NRG3: variants seen among roughly 807,000 people sequenced by gnomAD.
NRG3 encodes the protein neuregulin 3.
In NRG3, 31 loss-of-function variants were observed where a neutral mutation model predicts 66.9. The observed-to-expected ratio is 0.46, with a 90% CI of 0.35 to 0.63. The LOEUF (loss-of-function observed/expected upper bound fraction) is 0.63. NRG3 is among the 20% of genes least tolerant of loss of function. The probability of loss-of-function intolerance (pLI) is 0.00; values close to 1 mark genes in which losing one functional copy is unlikely to be tolerated. For missense variants in NRG3, 910 were observed against 878.9 expected (o/e 1.04, Z -0.45); for synonymous variants, 393 against 359.4 (o/e 1.09, Z -1.06).
intron 2 of NRG3, among the ~76,000 whole-genome samples, chr10:82,472,710 C>T (rs1841386249): frequency 6.6e-6 from 1 of 152,204 alleles, no homozygotes; most frequent in South Asian, 2.1e-4. Context: ...TCTTTCTTCT[C>T]TTCCATTATC....
At chr10:82,025,761 C>A (rs1219650918) in intron 1 of NRG3, among the ~76,000 whole-genome samples, 1 of 152,074 alleles carries the variant, frequency 6.6e-6, no homozygotes, top group Non-Finnish European at 1.5e-5. Flanking sequence ...AGCATATTGG[C>A]AACTTCTAAT....
At chr10:82,440,617 T>C (rs1239208462) in intron 2 of NRG3, among the ~76,000 whole-genome samples, 1 of 152,146 alleles carries the variant, frequency 6.6e-6, no homozygotes, top group African/African-American at 2.4e-5. Flanking sequence ...TGTGGAACTC[T>C]TGTGGAGATG....
At chr10:81,963,435 C>T (rs552767582) in intron 1 of NRG3, among the ~76,000 whole-genome samples, 2 of 152,254 alleles carry the variant, frequency 1.3e-5, no homozygotes, top group South Asian at 2.1e-4. Flanking sequence ...GCCCGGCCCA[C>T]GAGGGCTCTT....
In NRG3 at chr10:82,888,674, A is replaced by G. The variant is rs143398480; in HGVS notation, c.1054+23237A>G. ...AAAGATTTCTGCCCTTGTGGAGCTAATATTCTAGCAGGGGAGACTAAATAT... is the reference window on the plus strand; with the variant it reads ...AAAGATTTCTGCCCTTGTGGAGCTAGTATTCTAGCAGGGGAGACTAAATAT... On this transcript the variant is annotated intron_variant, in intron 4 of 8. Coordinates refer to ENST00000372141, the MANE Select transcript of NRG3 (RefSeq NM_001010848.4). Among the ~76,000 whole-genome samples the G allele has an allele frequency of 3.6e-3, 545 of 152,310 alleles. 3 individuals carry two copies. The highest frequency in any genetic ancestry group is 6.1e-3 in the Non-Finnish European group (416 of 68,028).
chr10:81,968,826 C>T (rs2059824164), intron 1 of NRG3, among the ~76,000 whole-genome samples: 1 of 152,192 alleles, frequency 6.6e-6, no homozygotes, highest in Non-Finnish European at 1.5e-5. Flanking sequence ...GTTTACCCAC[C>T]TGCACCTTCT....
At chr10:82,827,105 T>C (rs2062255115) in intron 3 of NRG3, 2 of 332,836 alleles carry the variant, frequency 6.0e-6, no homozygotes, top group East Asian at 9.1e-5. Flanking sequence ...GAAAAATAAC[T>C]CTTGATATTG....
intron 2 of NRG3, among the ~76,000 whole-genome samples, chr10:82,631,987 A>T (rs1228102586): frequency 6.6e-6 from 1 of 152,068 alleles, no homozygotes; most frequent in South Asian, 2.1e-4. Context: ...CTGTAATCTC[A>T]GCTACTTGGG....
intron 3 of NRG3, among the ~76,000 whole-genome samples, chr10:82,810,694 C>T (rs1000024450): frequency 2.9e-5 from 4 of 137,772 alleles, no homozygotes; most frequent in Non-Finnish European, 4.5e-5. Flanking sequence ...ACCCGGGAGA[C>T]GGAAGTTGTG....
intron 2 of NRG3, among the ~76,000 whole-genome samples, chr10:82,526,741 T>C (rs1219043703): frequency 6.6e-6 from 1 of 151,932 alleles, no homozygotes; most frequent in African/African-American, 2.4e-5. Context: ...TAAAAACTGA[T>C]AAGAAAGAAA....
At chr10:82,105,726 A>C (rs2067019340) in intron 1 of NRG3, among the ~76,000 whole-genome samples, 1 of 152,214 alleles carries the variant, frequency 6.6e-6, no homozygotes, top group African/African-American at 2.4e-5. Flanking sequence ...AGATATTATC[A>C]ATAAATTACA....
chr10:82,902,713 G>A (rs904369801), intron 4 of NRG3, among the ~76,000 whole-genome samples: 1 of 151,754 alleles, frequency 6.6e-6, no homozygotes, highest in Admixed American at 6.6e-5. Context: ...TTATATATGT[G>A]TATATACATA....
Position 81,876,110 on chromosome 10 carries a change from C to T in NRG3, c.770C>T (p.Ser257Phe), listed in dbSNP as rs776103394. The T allele has an allele frequency of 1.2e-6, 2 of 1,610,242 alleles. No individual in the cohort carries two copies. Among genetic ancestry groups the T allele is most frequent in the Admixed American group, 3.4e-5 (2 of 59,476 alleles). The change falls in exon 1 of 9, where the codon TCT (serine) becomes TTT (phenylalanine). Residue 257 changes from serine (S) to phenylalanine (F), a missense_variant. Transcript: ENST00000372141. The stretch of plus-strand genomic sequence containing the variant: ...GATGCTGCCTCCTCTTCTTCCTCTT[C>T]TTCCTCCTCCGCTACCACCACCACA... ...FQDAASSSSS[S>F]SSSATTTTPE...
chr10:82,520,816 T>G (rs1846110820), intron 2 of NRG3, among the ~76,000 whole-genome samples: 1 of 152,220 alleles, frequency 6.6e-6, no homozygotes, highest in African/African-American at 2.4e-5. Flanking sequence ...TTCCCTGTCC[T>G]TTCTGGATTC....
intron 2 of NRG3, among the ~76,000 whole-genome samples, chr10:82,629,466 C>A (rs2049660785): frequency 6.6e-6 from 1 of 152,174 alleles, no homozygotes; most frequent in African/African-American, 2.4e-5. Flanking sequence ...GGTCGGTAAG[C>A]AAGATGCAGA....
intron 1 of NRG3, among the ~76,000 whole-genome samples, chr10:82,296,761 T>A (rs1310435246): frequency 6.6e-6 from 1 of 152,148 alleles, no homozygotes; most frequent in Non-Finnish European, 1.5e-5. Flanking sequence ...ACTTATTCCT[T>A]CTATATGAGT....
intron 1 of NRG3, among the ~76,000 whole-genome samples, chr10:81,997,848 C>T (rs1001997579): frequency 6.8e-6 from 1 of 147,024 alleles, no homozygotes; most frequent in Non-Finnish European, 1.5e-5. Flanking sequence ...CTGCCCCCCA[C>T]CCCCCACCAA....
chr10:82,100,864 G>T (rs1057221661), intron 1 of NRG3, among the ~76,000 whole-genome samples: 1 of 151,718 alleles, frequency 6.6e-6, no homozygotes, highest in Non-Finnish European at 1.5e-5. Context: ...TTATTAGGAA[G>T]ATTTTTTTTG....
intron 1 of NRG3, among the ~76,000 whole-genome samples, chr10:82,351,213 T>C (rs1266417770): frequency 6.6e-6 from 1 of 152,136 alleles, no homozygotes; most frequent in African/African-American, 2.4e-5. Flanking sequence ...TCTTAGTAAG[T>C]AGTAGAAGCC....
intron 1 of NRG3, among the ~76,000 whole-genome samples, chr10:82,253,451 G>C (rs1395703415): frequency 6.6e-6 from 1 of 152,148 alleles, no homozygotes; most frequent in Non-Finnish European, 1.5e-5. Flanking sequence ...ATCTCTAACT[G>C]AGCTGTCAGT....
Sources: gnomAD v4.1 joint callset for allele counts (sites outside exome capture counted in the v4.1 genomes callset) on GRCh38, gnomAD v4.1.1 for gene constraint, MANE v1.5 for transcripts, NCBI Gene and HGNC (gene_info 2026-07-23, HGNC 2026-07-21) for gene names.